Variants in SLC26A7 observed in about 807,000 individuals in gnomAD.
SLC26A7 encodes the protein solute carrier family 26 member 7, also known as anion exchange transporter.
A neutral mutation model predicts 82.5 loss-of-function variants in SLC26A7; 59 were observed. The ratio of observed to expected loss-of-function variants is 0.72; its 90% CI spans 0.58 to 0.89. The LOEUF is 0.89. SLC26A7 is among the 40% of genes least tolerant of loss of function. SLC26A7 has a pLI of 0.00. For synonymous variants in SLC26A7, 271 were observed against 274.3 expected, an observed-to-expected ratio of 0.99 and a Z score of 0.12; for missense variants, 820 against 793.0, an observed-to-expected ratio of 1.03 and a Z score of -0.41.
chr8:91,303,310 A>G (rs767815182), intron 4 of SLC26A7, among the ~76,000 whole-genome samples: 15 of 152,220 alleles, frequency 9.9e-5, no homozygotes, highest in Non-Finnish European at 2.1e-4. Flanking sequence ...GACAATTTGC[A>G]TATTTGTTTT....
intron 1 of SLC26A7, 62 bp from the exon 2 acceptor site, chr8:91,249,477 A>G (rs73697163): frequency 0.012 from 5,187 of 431,126 alleles, 243 homozygotes; most frequent in African/African-American, 0.093. Context: ...AGCTGCATAT[A>G]TTGAAGTGCT....
intron 2 of SLC26A7, among the ~76,000 whole-genome samples, chr8:91,231,952 G>A (rs1030299115): frequency 2.8e-4 from 43 of 152,020 alleles, no homozygotes; most frequent in African/African-American, 1.0e-3. Flanking sequence ...GGGTCTTTGT[G>A]TCATTTTTTA....
chr8:91,249,623 G>A lies in SLC26A7; in HGVS notation c.-29G>A. The A allele has an allele frequency of 6.8e-7, 1 of 1,481,392 alleles. No homozygotes were observed. The allele number at this position is 1,481,392 out of a possible 1,614,324, so 91.8% of individuals were successfully genotyped here. A position where few individuals can be genotyped will look rare whatever the true frequency, so the allele number is the denominator to read the frequency against. ...ATGATTTTTTTTCTTGTTTAGAGAA[G>A]TTTACTTCTACAAGAAGAAATCTGA... On this transcript the variant is annotated 5_prime_UTR_variant, in exon 2 of 19. Coordinates refer to ENST00000276609, the MANE Select transcript of SLC26A7 (RefSeq NM_052832.4).
At chr8:91,237,696 T>C (rs1382309854) in intron 2 of SLC26A7, among the ~76,000 whole-genome samples, 1 of 152,172 alleles carries the variant, frequency 6.6e-6, no homozygotes, top group Non-Finnish European at 1.5e-5. Flanking sequence ...AACTGCACTC[T>C]ATTTGATTAT....
rs868747097 is a variant in SLC26A7 at position 91,381,967 on chromosome 8, T to C, written c.1676-7371T>C. Among the ~76,000 whole-genome samples the C allele has an allele frequency of 3.4e-4, 52 of 152,300 alleles. 2 individuals are homozygous for C. The highest frequency in any genetic ancestry group is 3.4e-3 in the Middle Eastern group (1 of 294). On this transcript the variant is annotated intron_variant, in intron 15 of 18. Coordinates refer to ENST00000276609, the MANE Select transcript of SLC26A7 (RefSeq NM_052832.4). The stretch of plus-strand genomic sequence containing the variant: ...TATCTTCATATTGTTTTTTATCTTA[T>C]GCTATGAGATAGGCTTTGTTGTATT...
intron 5 of SLC26A7, among the ~76,000 whole-genome samples, chr8:91,323,451 C>A (rs1812847296): frequency 6.6e-6 from 1 of 152,144 alleles, no homozygotes; most frequent in South Asian, 2.1e-4. Context: ...ATCCAGTGCT[C>A]AAGTAATTCA....
At chr8:91,292,236 G>A (rs1811891769) in intron 3 of SLC26A7, among the ~76,000 whole-genome samples, 1 of 151,514 alleles carries the variant, frequency 6.6e-6, no homozygotes, top group African/African-American at 2.4e-5. Flanking sequence ...AACCCGGGAG[G>A]CAGAGCTTGC....
At chr8:91,242,805 C>A (rs551038256) in intron 2 of SLC26A7, among the ~76,000 whole-genome samples, 1 of 152,126 alleles carries the variant, frequency 6.6e-6, no homozygotes, top group African/African-American at 2.4e-5. Flanking sequence ...TTTGTTATAA[C>A]GACCTCAGCT....
At chr8:91,371,121 T>C (rs1481374753) in intron 15 of SLC26A7, among the ~76,000 whole-genome samples, 1 of 151,936 alleles carries the variant, frequency 6.6e-6, no homozygotes, top group East Asian at 1.9e-4. Context: ...AACATGATTT[T>C]TAAAAGAATG....
At chr8:91,320,866 T>C (rs1812772295) in intron 5 of SLC26A7, among the ~76,000 whole-genome samples, 1 of 152,242 alleles carries the variant, frequency 6.6e-6, no homozygotes. Context: ...TGATGAGAGA[T>C]AAAGCCCATG....
At chr8:91,267,736 A>T (rs2130728580) in intron 2 of SLC26A7, among the ~76,000 whole-genome samples, 1 of 151,784 alleles carries the variant, frequency 6.6e-6, no homozygotes, top group Admixed American at 6.6e-5. Context: ...TTCATATTTT[A>T]AAAAATCTAT....
intron 8 of SLC26A7, among the ~76,000 whole-genome samples, chr8:91,340,986 T>TCC (rs752856290): frequency 2.1e-4 from 24 of 114,136 alleles, no homozygotes; most frequent in Non-Finnish European, 4.6e-4. Flanking sequence ...TATGTCCTGT[T>TCC]TCTTTTTTTT....
chr8:91,251,301 G>T (rs545023414), intron 2 of SLC26A7, among the ~76,000 whole-genome samples: 1 of 151,926 alleles, frequency 6.6e-6, no homozygotes, highest in African/African-American at 2.4e-5. Context: ...TTTGTTTTAC[G>T]AGTCATGTAT....
rs1380681290 is a variant in SLC26A7 at position 91,249,634 on chromosome 8, C to G, written c.-18C>G. The G allele has an allele frequency of 5.4e-6, 8 of 1,491,750 alleles. No homozygotes were observed. In the East Asian group the frequency reaches 2.0e-4, roughly 37 times the overall value. 92.4% of individuals were successfully genotyped at this position (1,491,750 alleles called of 1,614,324 possible). On this transcript the variant is annotated 5_prime_UTR_variant, in exon 2 of 19. Transcript: ENST00000276609. ...TCTTGTTTAGAGAAGTTTACTTCTA[C>G]AAGAAGAAATCTGAAAAATGACAGG...
chr8:91,327,984 T>C (rs903132814), intron 5 of SLC26A7, among the ~76,000 whole-genome samples: 1 of 152,156 alleles, frequency 6.6e-6, no homozygotes. Context: ...TCATTTTTTC[T>C]CATGTATATT....
At chr8:91,333,142 A>C (rs1813141324) in intron 5 of SLC26A7, among the ~76,000 whole-genome samples, 1 of 152,132 alleles carries the variant, frequency 6.6e-6, no homozygotes, top group Non-Finnish European at 1.5e-5. Flanking sequence ...CATAACTATC[A>C]ACAACATTCT....
intron 13 of SLC26A7, among the ~76,000 whole-genome samples, chr8:91,365,844 G>A (rs1814177503): frequency 6.6e-6 from 1 of 152,098 alleles, no homozygotes; most frequent in South Asian, 2.1e-4. Flanking sequence ...TACTTAGTTG[G>A]TAAGGAGTTG....
At chr8:91,277,280 G>A (rs953415257) in intron 2 of SLC26A7, among the ~76,000 whole-genome samples, 1 of 152,148 alleles carries the variant, frequency 6.6e-6, no homozygotes, top group Non-Finnish European at 1.5e-5. Context: ...TCTCTCTCGA[G>A]TGGAGGCTAA....
At chr8:91,210,780 T>G (rs1809899329) in intron 1 of SLC26A7, among the ~76,000 whole-genome samples, 1 of 152,088 alleles carries the variant, frequency 6.6e-6, no homozygotes, top group Non-Finnish European at 1.5e-5. Context: ...ATTAAAAACA[T>G]AATGGTTAAA....
Sources: allele counts gnomAD v4.1 joint callset (sites outside exome capture counted in the v4.1 genomes callset), GRCh38; gene constraint gnomAD v4.1.1; transcripts MANE v1.5; gene names NCBI Gene and HGNC (gene_info 2026-07-23, HGNC 2026-07-21).